The following CSTF3 variants were observed in gnomAD, a reference collection of about 807,000 sequenced individuals.
The protein encoded by CSTF3 is CF-1 77 kDa subunit.
A neutral mutation model predicts 105.8 loss-of-function variants in CSTF3; 29 were observed. That is an observed-to-expected ratio of 0.27 (90% CI 0.20 to 0.37). The LOEUF is 0.37. Among genes scored for constraint, CSTF3 ranks in the 10% least tolerant of loss-of-function variants. CSTF3 has a pLI of 1.00. For missense variants in CSTF3, 357 were observed against 879.3 expected (o/e 0.41, Z 7.51); for synonymous variants, 252 against 281.9 (o/e 0.89, Z 1.06).
At chr11:33,146,995 G>A (rs543749480) in intron 1 of CSTF3, among the ~76,000 whole-genome samples, 1 of 152,072 alleles carries the variant, frequency 6.6e-6, no homozygotes, top group South Asian at 2.1e-4. Context: ...TGAGACACTG[G>A]TCTCTACAAA....
chr11:33,096,681 A>C (rs1172522128), intron 14 of CSTF3, among the ~76,000 whole-genome samples, 154 bp downstream of exon 14: 1 of 152,216 alleles, frequency 6.6e-6, no homozygotes, highest in Admixed American at 6.5e-5. Flanking sequence ...GGGGATTTGG[A>C]TGATGCTCCA....
intron 14 of CSTF3, 128 bp downstream of exon 14, chr11:33,096,707 A>G: frequency 2.3e-6 from 2 of 865,762 alleles, no homozygotes; most frequent in Non-Finnish European, 3.5e-6. Flanking sequence ...TTTTACACAG[A>G]TACACTTAGA....
chr11:33,149,627 G>A (rs2133805367), intron 1 of CSTF3, among the ~76,000 whole-genome samples: 1 of 152,264 alleles, frequency 6.6e-6, no homozygotes, highest in Middle Eastern at 3.4e-3. Context: ...TGGGCAGAGT[G>A]GCTCCCAGTA....
At chr11:33,142,523 T>C (rs1324009407) in intron 1 of CSTF3, among the ~76,000 whole-genome samples, 1 of 152,150 alleles carries the variant, frequency 6.6e-6, no homozygotes, top group Non-Finnish European at 1.5e-5. Context: ...TAAAACCAAG[T>C]GATCAAGTAT....
At chr11:33,145,809 G>A (rs184108096) in intron 1 of CSTF3, among the ~76,000 whole-genome samples, 11 of 151,962 alleles carry the variant, frequency 7.2e-5, no homozygotes, top group Middle Eastern at 3.4e-3. Flanking sequence ...GCAAGACTCC[G>A]TCTCAAAAAC....
Position 33,090,669 on chromosome 11 carries a change from G to A in CSTF3, c.1504C>T (p.Leu502Phe). The A allele has an allele frequency of 1.9e-6, 3 of 1,610,034 alleles. No individual in the cohort carries two copies. Among genetic ancestry groups the A allele is most frequent in the East Asian group, 2.2e-5 (1 of 44,700 alleles). The part of the protein sequence containing the change: ...ESNIGDLASI[L>F]KVEKRRFTAF... ...GTAAACCGTCTTTTCTCCACTTTGA[G>A]TATACTAGCTAGATCACCAATATTA... The change falls in exon 17 of 21, where the codon CTC (leucine) becomes TTC (phenylalanine). Residue 502 changes from leucine (L) to phenylalanine (F), a missense_variant. By Grantham distance (22) the Leu-to-Phe change is conservative. This residue lies in a region of CSTF3 where 206 missense variants were observed against 576.5 expected (regional missense o/e 0.36). Coordinates refer to ENST00000323959, the MANE Select transcript of CSTF3 (RefSeq NM_001326.3).
intron 1 of CSTF3, chr11:33,144,865 C>T (rs1188584044): frequency 8.1e-6 from 2 of 247,510 alleles, no homozygotes; most frequent in East Asian, 1.6e-4. Flanking sequence ...TGTAGTCTCA[C>T]GTACTTGGGA....
chr11:33,157,185 T>C (rs1849877774), intron 1 of CSTF3, among the ~76,000 whole-genome samples: 2 of 152,072 alleles, frequency 1.3e-5, no homozygotes. Context: ...AAACACCATT[T>C]CTACTAAAAA....
rs924804786 is a variant in CSTF3 at position 33,154,919 on chromosome 11, T to G, written c.27+6380A>C. On this transcript the variant is annotated intron_variant, in intron 1 of 20. Transcript: ENST00000323959. ...AGGACCAGATGTCAGCTTAGTTCTG[T>G]GTTCCTTTACCAATGCAACCAAACC... Among the ~76,000 whole-genome samples the G allele has an allele frequency of 4.6e-5, 7 of 152,310 alleles. No homozygotes were observed. The East Asian group carries it at 9.6e-4, about 21-fold the overall frequency.
rs1855320551 is a variant in CSTF3, at chr11:33,105,814, C to T, written c.458+69G>A. 5.9e-6 allele frequency: 9 copies of T among 1,519,082 alleles called. No homozygotes were observed. The East Asian group carries it at 2.0e-4, about 34-fold the overall frequency. 94.1% of individuals were successfully genotyped at this position (1,519,082 alleles called of 1,614,324 possible). ...TATGGAAAATAGTATGGAGATTTCT[C>T]AAAGAACTAAAAATTATATTTTAGC... On this transcript the variant is annotated intron_variant, in intron 7 of 20. Coordinates refer to ENST00000323959, the MANE Select transcript of CSTF3 (RefSeq NM_001326.3).
At chr11:33,146,131 G>A (rs192107985) in intron 1 of CSTF3, among the ~76,000 whole-genome samples, 129 of 151,450 alleles carry the variant, frequency 8.5e-4, no homozygotes, top group African/African-American at 3.1e-3. Context: ...CCAGCTACTC[G>A]GGAGGCTGAG....
Position 33,084,617 on chromosome 11 carries a change from T to A in CSTF3, c.*470A>T, listed in dbSNP as rs1855083302. 1 of 155,740 alleles carries A rather than the reference T, an allele frequency of 6.4e-6. No homozygotes were observed. Among genetic ancestry groups the A allele is most frequent in the Non-Finnish European group, 1.4e-5 (1 of 69,900 alleles). The allele number at this position is 155,740 out of a possible 1,614,324, so 9.6% of individuals were successfully genotyped here. A position where few individuals can be genotyped will look rare whatever the true frequency, so the allele number is the denominator to read the frequency against. On this transcript the variant is annotated 3_prime_UTR_variant, in exon 21 of 21. Transcript: ENST00000323959. The stretch of plus-strand genomic sequence containing the variant: ...AATCCTTTTATTTTTTAAAGGACTT[T>A]TAAAATTTGAAACTACAAAACGGAT...
chr11:33,095,851 T>TAAATAAATA (rs1855218295), intron 15 of CSTF3, among the ~76,000 whole-genome samples: 1 of 151,894 alleles, frequency 6.6e-6, no homozygotes, highest in Non-Finnish European at 1.5e-5. Context: ...AATAAATAAA[T>TAAATAAATA]AAATACTAAA....
At chr11:33,107,734 G>C (rs564368288) in intron 5 of CSTF3, among the ~76,000 whole-genome samples, 169 bp downstream of exon 5, 3 of 152,246 alleles carry the variant, frequency 2.0e-5, no homozygotes, top group African/African-American at 7.2e-5. Context: ...ACTCATGCCA[G>C]TGACTTTCTC....
In CSTF3 at chr11:33,099,294, C is replaced by G; in HGVS notation, c.937-144G>C. Reference sequence around the variant, plus strand: ...GTACACACATATATATGTATCCACACACACACATACATAAACACATATGCA... The same window carrying G: ...GTACACACATATATATGTATCCACAGACACACATACATAAACACATATGCA... On this transcript the variant is annotated intron_variant, in intron 11 of 20. Transcript: ENST00000323959. This position sits in a 1 kb window ranked among gnomAD's most constrained non-coding sequence, Gnocchi z 4.1. 9.6e-7 allele frequency: 1 copy of G among 1,036,700 alleles called. No individual in the cohort carries two copies. Among genetic ancestry groups the G allele is most frequent in the Non-Finnish European group, 1.4e-6 (1 of 733,048 alleles). 64.2% of individuals were successfully genotyped at this position (1,036,700 alleles called of 1,614,324 possible).
At chr11:33,111,744 T>C (rs943672442) in intron 3 of CSTF3, among the ~76,000 whole-genome samples, 1 of 152,200 alleles carries the variant, frequency 6.6e-6, no homozygotes, top group Non-Finnish European at 1.5e-5. Flanking sequence ...CTTTAATTGG[T>C]AAATTGGTAT....
intron 8 of CSTF3, among the ~76,000 whole-genome samples, chr11:33,105,310 G>T (rs1170762132): frequency 2.0e-5 from 3 of 152,194 alleles, no homozygotes; most frequent in Non-Finnish European, 4.4e-5. Context: ...CAATGTGTAT[G>T]TGTGTGTATG....
intron 3 of CSTF3, among the ~76,000 whole-genome samples, chr11:33,120,622 C>G (rs1475495619): frequency 6.6e-6 from 1 of 151,816 alleles, no homozygotes; most frequent in Admixed American, 6.6e-5. Context: ...TCTGCTTACT[C>G]AGAAAACAAG....
At chr11:33,132,621 A>C (rs1329495808) in intron 3 of CSTF3, among the ~76,000 whole-genome samples, 2 of 152,232 alleles carry the variant, frequency 1.3e-5, no homozygotes, top group Non-Finnish European at 2.9e-5. Context: ...GGAAATTCAA[A>C]TTTAAAAAGG....
Sources: gnomAD v4.1 joint callset for allele counts (sites outside exome capture counted in the v4.1 genomes callset) on GRCh38, gnomAD v4.1.1 for gene constraint, gnomAD v4.1.1 regional missense constraint, Gnocchi (gnomAD v3.1) non-coding constraint, MANE v1.5 for transcripts, NCBI Gene and HGNC (gene_info 2026-07-23, HGNC 2026-07-21) for gene names.